The following GPC5 variants were observed in gnomAD, a reference collection of about 807,000 sequenced individuals.
GPC5 encodes glypican-5.
A neutral mutation model predicts 53.9 loss-of-function variants in GPC5; 47 were observed. That is an observed-to-expected ratio of 0.87 (90% CI 0.69 to 1.11). GPC5 has a LOEUF of 1.11. GPC5 is among the 50% of genes most tolerant of loss of function. The pLI, the probability that GPC5 is intolerant of heterozygous loss-of-function variation, is 0.00. For missense variants in GPC5, 748 were observed against 713.1 expected (o/e 1.05, Z -0.56); for synonymous variants, 286 against 263.3 (o/e 1.09, Z -0.84).
At chr13:92,483,179 G>A (rs1228054313) in intron 7 of GPC5, among the ~76,000 whole-genome samples, 3 of 152,178 alleles carry the variant, frequency 2.0e-5, no homozygotes, top group Non-Finnish European at 4.4e-5. Flanking sequence ...TGAAATTTGG[G>A]TGAGGACACA....
At chr13:92,418,903 A>G (rs958239609) in intron 7 of GPC5, among the ~76,000 whole-genome samples, 1 of 152,176 alleles carries the variant, frequency 6.6e-6, no homozygotes, top group African/African-American at 2.4e-5. Context: ...GTATAAGATG[A>G]TTGCTAGGAA....
chr13:91,556,093 A>G (rs1025892673), intron 2 of GPC5, among the ~76,000 whole-genome samples: 1 of 151,836 alleles, frequency 6.6e-6, no homozygotes, highest in Admixed American at 6.6e-5. Flanking sequence ...ACCACTTCTG[A>G]CCCCTGGCAA....
At chr13:92,570,831 C>CT (rs1333403842) in intron 7 of GPC5, among the ~76,000 whole-genome samples, 2 of 152,042 alleles carry the variant, frequency 1.3e-5, no homozygotes, top group Non-Finnish European at 2.9e-5. Flanking sequence ...CTTTACATTG[C>CT]TAGAGTTGAT....
At chr13:91,571,810 CATACGTGTGT>C (rs2031815992) in intron 2 of GPC5, among the ~76,000 whole-genome samples, 1 of 86,688 alleles carries the variant, frequency 1.2e-5, no homozygotes, top group Non-Finnish European at 2.1e-5. Context: ...TATACACACA[CATACGTGTGT>C]GTATATATAC....
chr13:92,337,358 G>T (rs1445022851), intron 7 of GPC5, among the ~76,000 whole-genome samples: 1 of 152,130 alleles, frequency 6.6e-6, no homozygotes, highest in Non-Finnish European at 1.5e-5. Context: ...GTGTGAAGAT[G>T]TTAGTTCTTC....
At chr13:91,613,987 A>G (rs2033629197) in intron 2 of GPC5, among the ~76,000 whole-genome samples, 1 of 152,230 alleles carries the variant, frequency 6.6e-6, no homozygotes, top group African/African-American at 2.4e-5. Context: ...GTCAAAAACC[A>G]GTGAAAGATG....
At chr13:92,262,094 A>G (rs1015567983) in intron 7 of GPC5, among the ~76,000 whole-genome samples, 7 of 152,114 alleles carry the variant, frequency 4.6e-5, no homozygotes, top group African/African-American at 1.7e-4. Flanking sequence ...ACCTGCCTAT[A>G]TTTGAGGGAG....
At chr13:92,599,021 A>C (rs1169496073) in intron 7 of GPC5, among the ~76,000 whole-genome samples, 1 of 152,228 alleles carries the variant, frequency 6.6e-6, no homozygotes, top group Non-Finnish European at 1.5e-5. Context: ...ACTGTCTAAT[A>C]ATAGACACAA....
intron 6 of GPC5, among the ~76,000 whole-genome samples, chr13:91,988,474 A>T (rs771980483): frequency 6.6e-6 from 1 of 152,152 alleles, no homozygotes; most frequent in Admixed American, 6.5e-5. Flanking sequence ...TATTAACTAC[A>T]CAGGATTCTA....
chr13:92,815,224 T>G (rs2138803392), intron 7 of GPC5, among the ~76,000 whole-genome samples: 2 of 151,788 alleles, frequency 1.3e-5, no homozygotes, highest in South Asian at 2.1e-4. Context: ...GAGGTAAAGG[T>G]GATGAGAATG....
chr13:92,216,389 G>A (rs2042410396), intron 7 of GPC5, among the ~76,000 whole-genome samples: 1 of 152,104 alleles, frequency 6.6e-6, no homozygotes, highest in African/African-American at 2.4e-5. Flanking sequence ...TGGAAGACAA[G>A]CCTCACATCC....
chr13:92,817,516 T>C (rs1877518076), intron 7 of GPC5, among the ~76,000 whole-genome samples: 1 of 151,992 alleles, frequency 6.6e-6, no homozygotes, highest in Non-Finnish European at 1.5e-5. Flanking sequence ...CTGAATAAAA[T>C]ATCAGCATCA....
intron 6 of GPC5, among the ~76,000 whole-genome samples, chr13:91,937,961 T>C: frequency 6.6e-6 from 1 of 152,066 alleles, no homozygotes; most frequent in Admixed American, 6.6e-5. Context: ...GATATTCCCC[T>C]ATATGTATTT....
intron 6 of GPC5, among the ~76,000 whole-genome samples, chr13:92,094,166 T>C (rs2087576104): frequency 6.6e-6 from 1 of 152,184 alleles, no homozygotes; most frequent in Non-Finnish European, 1.5e-5. Flanking sequence ...AGCTGTTTGA[T>C]TTTTAGGACA....
At chr13:92,367,024 A>G (rs2043612582) in intron 7 of GPC5, among the ~76,000 whole-genome samples, 1 of 152,150 alleles carries the variant, frequency 6.6e-6, no homozygotes, top group African/African-American at 2.4e-5. Context: ...CTGAATTCTT[A>G]TTTTATACCT....
At chr13:91,442,319 GTTT>G (rs1316398498) in intron 1 of GPC5, among the ~76,000 whole-genome samples, 2 of 152,064 alleles carry the variant, frequency 1.3e-5, no homozygotes, top group African/African-American at 4.8e-5. Context: ...TTAAAAAGTA[GTTT>G]TTATCATTTC....
At chr13:91,939,954 G>T (rs2039909534) in intron 6 of GPC5, among the ~76,000 whole-genome samples, 1 of 151,938 alleles carries the variant, frequency 6.6e-6, no homozygotes, top group Admixed American at 6.6e-5. Context: ...GCCCTGTTTA[G>T]ACCTCCCATC....
intron 7 of GPC5, among the ~76,000 whole-genome samples, chr13:92,256,026 A>C (rs867647170): frequency 7.9e-5 from 12 of 152,216 alleles, no homozygotes; most frequent in Middle Eastern, 3.4e-3. Flanking sequence ...AAGTGGGTCC[A>C]ACAACATTGA....
chr13:92,428,003 T>A (rs1470646638), intron 7 of GPC5, among the ~76,000 whole-genome samples: 1 of 152,164 alleles, frequency 6.6e-6, no homozygotes, highest in Non-Finnish European at 1.5e-5. Context: ...CCTGTATCAT[T>A]TTTTGTTTTC....
Sources: gnomAD v4.1 joint callset for allele counts (sites outside exome capture counted in the v4.1 genomes callset) on GRCh38, gnomAD v4.1.1 for gene constraint, MANE v1.5 for transcripts, NCBI Gene and HGNC (gene_info 2026-07-23, HGNC 2026-07-21) for gene names.